AP1AR: variants seen among roughly 807,000 people sequenced by gnomAD.
AP1AR encodes AP-1 complex-associated regulatory protein.
In AP1AR, 29 loss-of-function variants were observed where a neutral mutation model predicts 46.3. The observed-to-expected ratio is 0.63, with a 90% CI of 0.47 to 0.85. The LOEUF is 0.85. Among genes scored for constraint, AP1AR ranks in the 40% least tolerant of loss-of-function variants. The probability of loss-of-function intolerance (pLI) is 0.00; values close to 1 mark genes in which losing one functional copy is unlikely to be tolerated. For missense variants in AP1AR, 357 were observed against 356.3 expected (o/e 1.00, Z -0.02); for synonymous variants, 122 against 122.9 (o/e 0.99, Z 0.05).
chr4:112,249,789 A>G (rs928028086), intron 1 of AP1AR, among the ~76,000 whole-genome samples: 1 of 152,200 alleles, frequency 6.6e-6, no homozygotes, highest in African/African-American at 2.4e-5. Context: ...TTAAAAAGCA[A>G]TAGATGTTGG....
rs577807701 is a variant in AP1AR at position 112,260,872 on chromosome 4, C to T, written c.282+10C>T. ...GAAAATTCAAAAAGAGGTAAATTGTCTTTTATATTGCTTAAGTACATGTTA... is the reference window on the plus strand; with the variant it reads ...GAAAATTCAAAAAGAGGTAAATTGTTTTTTATATTGCTTAAGTACATGTTA... On this transcript the variant is annotated intron_variant, in intron 5 of 9. Coordinates refer to ENST00000274000, the MANE Select transcript of AP1AR (RefSeq NM_018569.6). 20 of 1,502,236 alleles carry T rather than the reference C, an allele frequency of 1.3e-5. No homozygotes were observed. In the East Asian group the frequency reaches 4.6e-4, roughly 34 times the overall value. The allele number at this position is 1,502,236 out of a possible 1,614,324, so 93.1% of individuals were successfully genotyped here.
rs1223643094 is a variant in AP1AR, at chr4:112,270,909, G to T, written c.*2500G>T. Among the ~76,000 whole-genome samples, 1 of 152,234 alleles carries T rather than the reference G, an allele frequency of 6.6e-6. No individual in the cohort carries two copies. Among genetic ancestry groups the T allele is most frequent in the African/African-American group, 2.4e-5 (1 of 41,470 alleles). On this transcript the variant is annotated 3_prime_UTR_variant, in exon 10 of 10. Transcript: ENST00000274000. ...AAACGATTGCTTTAGTTGCTGTGTAGAGAATGGATTGTAAGAAGGCAAGAG... is the reference window on the plus strand; with the variant it reads ...AAACGATTGCTTTAGTTGCTGTGTATAGAATGGATTGTAAGAAGGCAAGAG...
At chr4:112,264,342 G>A (rs1370676117) in intron 6 of AP1AR, among the ~76,000 whole-genome samples, 1 of 152,080 alleles carries the variant, frequency 6.6e-6, no homozygotes, top group Non-Finnish European at 1.5e-5. Flanking sequence ...AATATTTGAT[G>A]TAGGAACACA....
In AP1AR at chr4:112,250,056, A is replaced by C. The variant is rs528133894; in HGVS notation, c.84-3152A>C. On this transcript the variant is annotated intron_variant, in intron 1 of 9. Transcript: ENST00000274000. ...CTTTAGAAGCACTTGATAAATATTT[A>C]TGAAATAAAAGTGTAAAACTTGACT... Among the ~76,000 whole-genome samples the C allele has an allele frequency of 1.2e-3, 177 of 152,350 alleles. 1 individual carries two copies. The highest frequency in any genetic ancestry group is 3.9e-3 in the African/African-American group (164 of 41,578).
At position 112,257,520 on chromosome 4, in the gene AP1AR, A is replaced by G. The variant is rs530190896; in HGVS notation, c.160-252A>G. Among the ~76,000 whole-genome samples, 326 of 152,336 alleles carry G rather than the reference A, an allele frequency of 2.1e-3. 1 individual carries two copies. Among genetic ancestry groups the G allele is most frequent in the Non-Finnish European group, 3.2e-3 (218 of 68,024 alleles). On this transcript the variant is annotated intron_variant, in intron 3 of 9. Transcript: ENST00000274000. ...AATATTTGTTAAAAAAAATTAAGAA[A>G]TGTCCAGCAAATGGTTTTATGTAAT... is the stretch of plus-strand genomic sequence containing the variant.
chr4:112,242,205 A>G (rs983413484), intron 1 of AP1AR, among the ~76,000 whole-genome samples: 3 of 152,210 alleles, frequency 2.0e-5, no homozygotes, highest in Admixed American at 6.5e-5. Context: ...TATCTTTAAT[A>G]AAAGTATCTT....
At chr4:112,260,082 T>C (rs1046939331) in intron 4 of AP1AR, among the ~76,000 whole-genome samples, 3 of 152,172 alleles carry the variant, frequency 2.0e-5, no homozygotes, top group African/African-American at 7.2e-5. Flanking sequence ...GCCAAATTGA[T>C]GTCAGGTTTT....
At chr4:112,251,373 T>C (rs1725955146) in intron 1 of AP1AR, among the ~76,000 whole-genome samples, 1 of 152,260 alleles carries the variant, frequency 6.6e-6, no homozygotes, top group Non-Finnish European at 1.5e-5. Context: ...GTATTATCTA[T>C]GTATAATTAG....
chr4:112,260,828 A>T lies in AP1AR; in HGVS notation c.248A>T (p.Lys83Ile). The T allele has an allele frequency of 6.2e-7, 1 of 1,606,160 alleles. No homozygotes were observed. The highest frequency in any genetic ancestry group is 1.1e-5 in the South Asian group (1 of 89,290). ...AGGCATTATGATTCCATTGCCGAAAAACAAAAAGATCTTGATAAGAAAATT... is the reference window on the plus strand; with the variant it reads ...AGGCATTATGATTCCATTGCCGAAATACAAAAAGATCTTGATAAGAAAATT... ...RERHYDSIAEKQKDLDKKIQK... is the reference protein window; with the variant it reads ...RERHYDSIAEIQKDLDKKIQK... Residue 83 changes from lysine to isoleucine, a missense_variant, in exon 5 of 10, where the codon AAA becomes ATA. Around this residue, in one of 2 missense-constraint regions of AP1AR, gnomAD observed 269 missense variants for 223.6 expected, o/e 1.20. Transcript: ENST00000274000.
chr4:112,254,790 T>C lies in AP1AR; in HGVS notation c.159+17T>C, dbSNP rs376666001. ...AGTGATGAAGTAAGTATTTCCATAA[T>C]AGTACAAAACTTGTATTTGTTTTTC... is the stretch of plus-strand genomic sequence containing the variant. On this transcript the variant is annotated intron_variant, in intron 3 of 9. Transcript: ENST00000274000. 45 of 1,393,690 alleles carry C rather than the reference T, an allele frequency of 3.2e-5. No individual in the cohort carries two copies. Among genetic ancestry groups the C allele is most frequent in the Non-Finnish European group, 4.1e-5 (42 of 1,029,604 alleles). The allele number at this position is 1,393,690 out of a possible 1,614,324, so 86.3% of individuals were successfully genotyped here.
rs1232600366 is a variant in AP1AR at position 112,260,873 on chromosome 4, T to A, written c.282+11T>A. 6.7e-7 allele frequency: 1 copy of A among 1,496,288 alleles called. No individual in the cohort carries two copies. Among genetic ancestry groups the A allele is most frequent in the Admixed American group, 1.8e-5 (1 of 55,202 alleles). The allele number at this position is 1,496,288 out of a possible 1,614,324, so 92.7% of individuals were successfully genotyped here. A position where few individuals can be genotyped will look rare whatever the true frequency, so the allele number is the denominator to read the frequency against. On this transcript the variant is annotated intron_variant, in intron 5 of 9. Transcript: ENST00000274000. ...AAAATTCAAAAAGAGGTAAATTGTC[T>A]TTTATATTGCTTAAGTACATGTTAT...
chr4:112,260,836 G>T lies in AP1AR; in HGVS notation c.256G>T (p.Asp86Tyr). ...HYDSIAEKQK[D>Y]LDKKIQKELA... ...TGATTCCATTGCCGAAAAACAAAAAGATCTTGATAAGAAAATTCAAAAAGA... is the reference window on the plus strand; with the variant it reads ...TGATTCCATTGCCGAAAAACAAAAATATCTTGATAAGAAAATTCAAAAAGA... The change falls in exon 5 of 10, where the codon GAT becomes TAT. Residue 86 changes from aspartate (D) to tyrosine (Y), a missense_variant. Asp to Tyr is a radical substitution (Grantham distance 160). This residue lies in a region of AP1AR where 269 missense variants were observed against 223.6 expected (regional missense o/e 1.20). Coordinates refer to ENST00000274000, the MANE Select transcript of AP1AR (RefSeq NM_018569.6). 4 of 1,600,684 alleles carry T rather than the reference G, an allele frequency of 2.5e-6. No individual in the cohort carries two copies. The highest frequency in any genetic ancestry group is 3.4e-6 in the Non-Finnish European group (4 of 1,173,332).
Position 112,270,557 on chromosome 4 carries a change from T to G in AP1AR, c.*2148T>G, listed in dbSNP as rs1023166924. On this transcript the variant is annotated 3_prime_UTR_variant, in exon 10 of 10. Coordinates refer to ENST00000274000, the MANE Select transcript of AP1AR (RefSeq NM_018569.6). ...TTTTAAGTTTTAGTTGTTAACTTGT[T>G]AATTGTTTACTTGGCTAAAACCTAA... 6.6e-6 allele frequency among the ~76,000 whole-genome samples: 1 copy of G among 152,216 alleles called. No individual in the cohort carries two copies. The highest frequency in any genetic ancestry group is 2.4e-5 in the African/African-American group (1 of 41,452).
intron 1 of AP1AR, among the ~76,000 whole-genome samples, chr4:112,244,431 A>G (rs1364698899): frequency 6.6e-6 from 1 of 152,216 alleles, no homozygotes; most frequent in East Asian, 1.9e-4. Flanking sequence ...GGGCTGGAAT[A>G]TAATACCCAG....
chr4:112,257,853 CTCTT>C, intron 4 of AP1AR, 56 bp downstream of exon 4: 4 of 1,431,916 alleles, frequency 2.8e-6, no homozygotes, highest in Non-Finnish European at 3.7e-6. Context: ...TAAGAAAACT[CTCTT>C]AAGAAGTCAG....
chr4:112,247,025 ATTG>A (rs1470473698), intron 1 of AP1AR, among the ~76,000 whole-genome samples: 8 of 152,140 alleles, frequency 5.3e-5, no homozygotes, highest in Non-Finnish European at 1.0e-4. Context: ...TCCATGATGT[ATTG>A]TTTGTAGCTT....
rs747660196 is a variant in AP1AR at position 112,231,886 on chromosome 4, C to T, written c.-206C>T. On this transcript the variant is annotated 5_prime_UTR_variant, in exon 1 of 10. Transcript: ENST00000274000. ...GCTCCTCCCTCGCGCAGCGGTGGCT[C>T]TGCGGCCGCTGGAGTAAACACTGCC... The T allele has an allele frequency of 4.9e-6, 2 of 409,756 alleles. No homozygotes were observed. Among genetic ancestry groups the T allele is most frequent in the African/African-American group, 2.1e-5 (1 of 48,728 alleles). 25.4% of individuals were successfully genotyped at this position (409,756 alleles called of 1,614,324 possible).
chr4:112,238,900 T>C (rs1725363746), intron 1 of AP1AR, among the ~76,000 whole-genome samples: 1 of 152,202 alleles, frequency 6.6e-6, no homozygotes, highest in South Asian at 2.1e-4. Flanking sequence ...TCCTTTTTCC[T>C]CTTTAAGCCC....
At position 112,266,575 on chromosome 4, in the gene AP1AR, G is replaced by A. The variant is rs75171772; in HGVS notation, c.515-13G>A. 1.2e-4 allele frequency: 195 copies of A among 1,605,824 alleles called. 2 individuals carry two copies. The South Asian group carries it at 1.3e-3, about 11-fold the overall frequency. ...AGATGAGAGTATTCAATTGTATTTC[G>A]TGTATATTCTAGGACTCTCATCAGA... On this transcript the variant is annotated splice_polypyrimidine_tract_variant and intron_variant, in intron 8 of 9. Transcript: ENST00000274000.
Sources: gnomAD v4.1 joint callset for allele counts (sites outside exome capture counted in the v4.1 genomes callset) on GRCh38, gnomAD v4.1.1 for gene constraint, gnomAD v4.1.1 regional missense constraint, MANE v1.5 for transcripts, NCBI Gene and HGNC (gene_info 2026-07-23, HGNC 2026-07-21) for gene names.